ESR1: variants seen among roughly 807,000 people sequenced by gnomAD.
ESR1 encodes estrogen receptor 1.
A neutral mutation model predicts 52.7 loss-of-function variants in ESR1; 12 were observed. That is an observed-to-expected ratio of 0.23 (90% CI 0.15 to 0.37). The LOEUF is 0.37. Among genes scored for constraint, ESR1 ranks in the 10% least tolerant of loss-of-function variants. The pLI is 1.00. For missense variants in ESR1, 584 were observed against 779.7 expected, an observed-to-expected ratio of 0.75 and a Z score of 2.99; for synonymous variants, 305 against 316.8, an observed-to-expected ratio of 0.96 and a Z score of 0.39.
intron 1 of ESR1, among the ~76,000 whole-genome samples, chr6:151,659,087 C>G (rs1037891326): frequency 3.5e-4 from 53 of 150,494 alleles, no homozygotes; most frequent in Admixed American, 1.3e-4. Flanking sequence ...GATCTCGGCT[C>G]ACCGCAACCT....
chr6:151,808,019 A>G lies in ESR1; in HGVS notation c.107A>G (p.Glu36Gly), dbSNP rs2128155713. Residue 36 changes from glutamate to glycine, a missense_variant, in exon 1 of 8, where the codon GAG (glutamate) becomes GGG (glycine). Glu to Gly is a moderately conservative substitution (Grantham distance 98, BLOSUM62 -2). Transcript: ENST00000206249. ...LNRPQLKIPLERPLGEVYLDS... is the reference protein window; with the variant it reads ...LNRPQLKIPLGRPLGEVYLDS... The stretch of plus-strand genomic sequence containing the variant: ...CGTCCGCAGCTCAAGATCCCCCTGG[A>G]GCGGCCCCTGGGCGAGGTGTACCTG... The G allele has an allele frequency of 6.2e-7, 1 of 1,613,802 alleles. No homozygotes were observed. The highest frequency in any genetic ancestry group is 1.1e-5 in the South Asian group (1 of 91,046).
rs1781698902 is a variant in ESR1, at chr6:151,724,547, T to C, written c.-71+22542T>C. Among the ~76,000 whole-genome samples the C allele has an allele frequency of 2.0e-5, 3 of 151,830 alleles. No individual in the cohort carries two copies. In the South Asian group the frequency reaches 6.2e-4, roughly 32 times the overall value. On this transcript the variant is annotated intron_variant, in intron 2 of 2. Transcript: ENST00000404742. ...CGTATGATGCTTCTAACCTGAACAA[T>C]AGACACCTAGTCACACACCCAAACA...
intron 3 of ESR1, among the ~76,000 whole-genome samples, chr6:151,927,465 C>T (rs2032932580): frequency 6.6e-6 from 1 of 151,924 alleles, no homozygotes; most frequent in African/African-American, 2.4e-5. Context: ...ACCACCTGAG[C>T]CAGATGATTT....
intron 4 of ESR1, among the ~76,000 whole-genome samples, chr6:151,973,056 C>A (rs113152809): frequency 1.7e-3 from 255 of 152,288 alleles, no homozygotes; most frequent in African/African-American, 5.6e-3. Context: ...GAGGGCGGGT[C>A]TGCCTTTCCC....
chr6:151,842,256 T>A (rs1341445446), intron 1 of ESR1, among the ~76,000 whole-genome samples: 1 of 152,198 alleles, frequency 6.6e-6, no homozygotes, highest in Non-Finnish European at 1.5e-5. Flanking sequence ...AGAGTTGGGA[T>A]GAGCATTGGT....
upstream of ESR1, among the ~76,000 whole-genome samples, chr6:151,687,969 A>C (rs542152797): frequency 6.6e-6 from 1 of 152,136 alleles, no homozygotes; most frequent in African/African-American, 2.4e-5. Flanking sequence ...CTGTGTTTCA[A>C]TTACACTGTA....
intron 6 of ESR1, chr6:152,121,716 G>A (rs1310177262): frequency 6.6e-6 from 1 of 152,146 alleles, no homozygotes; most frequent in Non-Finnish European, 1.5e-5. Flanking sequence ...TAAATGCAAA[G>A]AAATCAATAC....
At chr6:151,753,608 G>A (rs745654140) in intron 2 of ESR1, among the ~76,000 whole-genome samples, 3 of 152,084 alleles carry the variant, frequency 2.0e-5, no homozygotes, top group Non-Finnish European at 4.4e-5. Context: ...ATAAGCCACC[G>A]TGCCCAGCCT....
chr6:151,824,693 A>G (rs1781171758), intron 1 of ESR1, among the ~76,000 whole-genome samples: 1 of 152,182 alleles, frequency 6.6e-6, no homozygotes, highest in Non-Finnish European at 1.5e-5. Flanking sequence ...AATCTGGTAA[A>G]AAAGAGTTCT....
chr6:152,003,702 C>T (rs938221297), intron 4 of ESR1, among the ~76,000 whole-genome samples: 1 of 151,864 alleles, frequency 6.6e-6, no homozygotes, highest in African/African-American at 2.4e-5. Flanking sequence ...TGAATGCTTA[C>T]AGGAGGGATA....
intron 1 of ESR1, among the ~76,000 whole-genome samples, chr6:151,678,531 G>A (rs975862157): frequency 6.6e-6 from 1 of 152,014 alleles, no homozygotes; most frequent in Non-Finnish European, 1.5e-5. Flanking sequence ...ACATCTGTGG[G>A]TGTGGGTTCG....
chr6:151,710,226 C>A (rs1054608698), intron 2 of ESR1, among the ~76,000 whole-genome samples: 3 of 150,880 alleles, frequency 2.0e-5, no homozygotes, highest in African/African-American at 7.3e-5. Context: ...AAGTTTGATG[C>A]TCCCTACTCA....
intron 1 of ESR1, among the ~76,000 whole-genome samples, chr6:151,827,266 G>A (rs1781651664): frequency 1.3e-5 from 2 of 151,370 alleles, no homozygotes; most frequent in South Asian, 4.2e-4. Context: ...GGCTGAGATG[G>A]GAGGATCACT....
At chr6:151,966,902 C>T (rs932479) in intron 4 of ESR1, among the ~76,000 whole-genome samples, 122,891 of 152,080 alleles carry the variant, frequency 0.81, 50,003 homozygotes, top group Middle Eastern at 0.9. Context: ...TTGTTCTATC[C>T]CTCACTTCCA....
chr6:151,714,748 G>A (rs746499648), intron 2 of ESR1, among the ~76,000 whole-genome samples: 9 of 152,074 alleles, frequency 5.9e-5, no homozygotes, highest in Non-Finnish European at 1.3e-4. Context: ...TGTGATATGG[G>A]TCTCCTGAAT....
intron 3 of ESR1, among the ~76,000 whole-genome samples, chr6:151,884,264 C>T (rs1234968161): frequency 6.6e-5 from 10 of 152,160 alleles, no homozygotes; most frequent in Admixed American, 5.2e-4. Context: ...CCACACATGG[C>T]CACAGGATAC....
intron 6 of ESR1, among the ~76,000 whole-genome samples, chr6:152,076,173 C>T (rs147156064): frequency 2.8e-4 from 42 of 152,234 alleles, no homozygotes; most frequent in Non-Finnish European, 5.7e-4. Context: ...GGGAGGGACC[C>T]AGTGGGAGAT....
chr6:152,122,105 A>G, intron 6 of ESR1: 1 of 384,932 alleles, frequency 2.6e-6, no homozygotes, highest in African/African-American at 2.1e-5. Context: ...TGGTCTACTG[A>G]AGTCCTTGGC....
intron 1 of ESR1, among the ~76,000 whole-genome samples, chr6:151,816,813 G>T (rs1363757929): frequency 6.6e-6 from 1 of 152,110 alleles, no homozygotes; most frequent in Admixed American, 6.5e-5. Flanking sequence ...AGGAACTGAA[G>T]GGAGGATTGC....
Sources: allele counts gnomAD v4.1 joint callset (sites outside exome capture counted in the v4.1 genomes callset), GRCh38; gene constraint gnomAD v4.1.1; transcripts MANE v1.5; gene names NCBI Gene and HGNC (gene_info 2026-07-23, HGNC 2026-07-21).